The following SOX6 variants were observed in gnomAD, a reference collection of about 807,000 sequenced individuals.
SOX6 encodes transcription factor SOX-6.
Under a neutral mutation model 97.8 loss-of-function variants are expected in SOX6, and 11 were observed. The observed-to-expected ratio is 0.11, with a 90% CI of 0.07 to 0.19. The LOEUF (loss-of-function observed/expected upper bound fraction) is 0.19, where lower values mean the gene tolerates loss of function less well. SOX6 is among the 10% of genes least tolerant of loss of function. The pLI is 1.00. For synonymous variants in SOX6, 360 were observed against 371.4 expected (o/e 0.97, Z 0.35); for missense variants, 810 against 1,039.5 (o/e 0.78, Z 3.04).
At chr11:16,492,748 C>T (rs1253761463) in intron 4 of SOX6, among the ~76,000 whole-genome samples, 1 of 152,000 alleles carries the variant, frequency 6.6e-6, no homozygotes, top group Non-Finnish European at 1.5e-5. Context: ...CTGGTCTGTA[C>T]CCAGAATGTA....
At chr11:16,347,852 A>G (rs961104452) in intron 1 of SOX6, among the ~76,000 whole-genome samples, 4 of 152,132 alleles carry the variant, frequency 2.6e-5, no homozygotes, top group Non-Finnish European at 5.9e-5. Context: ...CAAAATATGA[A>G]AATTCACACA....
intron 6 of SOX6, among the ~76,000 whole-genome samples, chr11:16,143,416 A>T (rs955155602): frequency 3.9e-5 from 6 of 152,242 alleles, no homozygotes; most frequent in African/African-American, 1.4e-4. Flanking sequence ...TGTAAAGATC[A>T]TCAAGGCTAG....
chr11:16,311,912 T>C (rs749508500), intron 3 of SOX6: 2 of 152,206 alleles, frequency 1.3e-5, no homozygotes, highest in African/African-American at 2.4e-5. Flanking sequence ...AATGATTGTT[T>C]AGAGATGTGA....
chr11:16,185,578 C>T (rs1300961380), intron 5 of SOX6, among the ~76,000 whole-genome samples: 1 of 152,188 alleles, frequency 6.6e-6, no homozygotes, highest in East Asian at 1.9e-4. Flanking sequence ...GGTTGAGCTA[C>T]ATGCTCGCTT....
intron 1 of SOX6, among the ~76,000 whole-genome samples, chr11:16,355,437 T>C (rs904393074): frequency 1.3e-5 from 2 of 152,088 alleles, no homozygotes; most frequent in African/African-American, 4.8e-5. Flanking sequence ...TAATTTACTA[T>C]AGTTTTATAT....
At chr11:16,627,025 C>T (rs1327341056) in intron 3 of SOX6, among the ~76,000 whole-genome samples, 3 of 152,126 alleles carry the variant, frequency 2.0e-5, no homozygotes, top group African/African-American at 7.2e-5. Flanking sequence ...TCTTTATGTA[C>T]ATGTGTACTC....
intron 15 of SOX6, 42 bp downstream of exon 15, chr11:15,986,162 C>A: frequency 6.4e-7 from 1 of 1,571,328 alleles, no homozygotes; most frequent in Non-Finnish European, 8.8e-7. Flanking sequence ...AGTTACTTAC[C>A]GCAAAAGTAA....
chr11:16,282,684 T>C (rs1854601968), intron 3 of SOX6, among the ~76,000 whole-genome samples: 1 of 151,560 alleles, frequency 6.6e-6, no homozygotes, highest in South Asian at 2.1e-4. Flanking sequence ...TATTGAATTA[T>C]ATTTATTATT....
chr11:16,656,393 C>T (rs1431554552), intron 3 of SOX6, among the ~76,000 whole-genome samples: 1 of 152,050 alleles, frequency 6.6e-6, no homozygotes, highest in African/African-American at 2.4e-5. Flanking sequence ...AAAATTAGTA[C>T]ATGACGTACC....
At chr11:16,522,275 G>A (rs10832632) in intron 4 of SOX6, among the ~76,000 whole-genome samples, 27,291 of 152,050 alleles carry the variant, frequency 0.18, 2,866 homozygotes, top group East Asian at 0.32. Flanking sequence ...GACTAACAGC[G>A]GATCTCTTGG....
At chr11:16,440,754 T>C (rs1349361199) in intron 1 of SOX6, among the ~76,000 whole-genome samples, 2 of 152,166 alleles carry the variant, frequency 1.3e-5, no homozygotes, top group Non-Finnish European at 2.9e-5. Context: ...TGGGCAATTT[T>C]CTTGGATTAA....
At chr11:16,424,408 CA>C (rs1859082925) in intron 1 of SOX6, among the ~76,000 whole-genome samples, 1 of 152,048 alleles carries the variant, frequency 6.6e-6, no homozygotes, top group Non-Finnish European at 1.5e-5. Flanking sequence ...TTTAAGATAA[CA>C]AACTGAGACT....
At chr11:16,089,433 T>C (rs1366682006) in intron 9 of SOX6, among the ~76,000 whole-genome samples, 1 of 152,130 alleles carries the variant, frequency 6.6e-6, no homozygotes, top group Non-Finnish European at 1.5e-5. Flanking sequence ...ACCTGATACA[T>C]ATTTAGTGCT....
chr11:16,443,324 T>C (rs1180931158), intron 1 of SOX6, among the ~76,000 whole-genome samples: 1 of 152,218 alleles, frequency 6.6e-6, no homozygotes, highest in Non-Finnish European at 1.5e-5. Context: ...AGTATGCTAT[T>C]CACATTTACA....
intron 4 of SOX6, among the ~76,000 whole-genome samples, chr11:16,486,034 C>T (rs1590220335): frequency 6.5e-5 from 7 of 108,158 alleles, no homozygotes; most frequent in Non-Finnish European, 1.2e-4. Flanking sequence ...CCTGTCATTA[C>T]TTTATAAAGG....
At chr11:16,452,539 G>A (rs913632456) in intron 1 of SOX6, among the ~76,000 whole-genome samples, 1 of 152,138 alleles carries the variant, frequency 6.6e-6, no homozygotes, top group Non-Finnish European at 1.5e-5. Context: ...GCTTGATTTT[G>A]AGGAAGCCTC....
At chr11:16,280,540 A>G (rs898059305) in intron 3 of SOX6, among the ~76,000 whole-genome samples, 2 of 152,044 alleles carry the variant, frequency 1.3e-5, no homozygotes, top group African/African-American at 4.8e-5. Context: ...TGTCAGAAGC[A>G]CTCATAAGCT....
intron 3 of SOX6, among the ~76,000 whole-genome samples, chr11:16,296,947 A>C (rs749993948): frequency 6.6e-6 from 1 of 152,130 alleles, no homozygotes; most frequent in Non-Finnish European, 1.5e-5. Context: ...CCACAAATTA[A>C]AGACTGTCTT....
intron 15 of SOX6, among the ~76,000 whole-genome samples, chr11:15,980,200 A>G (rs1266786073): frequency 2.6e-5 from 4 of 152,098 alleles, no homozygotes; most frequent in Non-Finnish European, 5.9e-5. Flanking sequence ...ACGAAAGAAG[A>G]AGATTAGAAC....
Sources: allele counts gnomAD v4.1 joint callset (sites outside exome capture counted in the v4.1 genomes callset), GRCh38; gene constraint gnomAD v4.1.1; transcripts MANE v1.5; gene names NCBI Gene and HGNC (gene_info 2026-07-23, HGNC 2026-07-21).